TXNL4B: variants seen among roughly 807,000 people sequenced by gnomAD.
TXNL4B encodes the protein thioredoxin like 4B, also known as thioredoxin-like protein 4B.
A neutral mutation model predicts 13.0 loss-of-function variants in TXNL4B; 12 were observed. The observed-to-expected ratio is 0.92, with a 90% confidence interval of 0.59 to 1.49. The LOEUF (loss-of-function observed/expected upper bound fraction) is 1.49, where lower values mean the gene tolerates loss of function less well. Ranked by LOEUF, TXNL4B falls within the 40% of genes most tolerant of loss-of-function variation. The pLI is 0.00. For missense variants in TXNL4B, 214 were observed against 173.6 expected, an observed-to-expected ratio of 1.23 and a Z score of -1.31; for synonymous variants, 59 against 58.9, an observed-to-expected ratio of 1.00 and a Z score of -0.01.
intron 1 of TXNL4B, among the ~76,000 whole-genome samples, chr16:72,091,900 G>C (rs2041911008): frequency 6.6e-6 from 1 of 152,220 alleles, no homozygotes; most frequent in Non-Finnish European, 1.5e-5. Flanking sequence ...ACAAGGACTA[G>C]AATACAGGCC....
chr16:72,092,203 A>G (rs2041917735), intron 1 of TXNL4B, among the ~76,000 whole-genome samples: 1 of 152,150 alleles, frequency 6.6e-6, no homozygotes, highest in Admixed American at 6.5e-5. Flanking sequence ...ATGGCCAGGA[A>G]TTCGAGACCA....
Position 72,086,391 on chromosome 16 carries a change from T to C in TXNL4B, c.*246A>G, listed in dbSNP as rs1336695811. 2.8e-6 allele frequency: 1 copy of C among 360,438 alleles called. No homozygotes were observed. Among genetic ancestry groups the C allele is most frequent in the African/African-American group, 2.1e-5 (1 of 48,588 alleles). The allele number at this position is 360,438 out of a possible 1,614,324, so 22.3% of individuals were successfully genotyped here. A position where few individuals can be genotyped will look rare whatever the true frequency, so the allele number is the denominator to read the frequency against. ...TAGAAAGAGAAGTTACAAAAATCAC[T>C]GTGGGGAAAATGAACACCAATGACT... On this transcript the variant is annotated 3_prime_UTR_variant, in exon 4 of 4. Transcript: ENST00000268483.
upstream of TXNL4B, chr16:72,094,197 A>C (rs1439053969): frequency 6.5e-6 from 1 of 152,836 alleles, no homozygotes; most frequent in Non-Finnish European, 1.5e-5. Flanking sequence ...TACTCACCTC[A>C]GGGATGCTGC....
chr16:72,092,869 T>C (rs540366438), intron 1 of TXNL4B, among the ~76,000 whole-genome samples: 1 of 152,324 alleles, frequency 6.6e-6, no homozygotes, highest in East Asian at 1.9e-4. Context: ...GTTTACAAAG[T>C]CACTGAATTG....
In TXNL4B at chr16:72,085,539, T is replaced by A. The variant is rs1166983012; in HGVS notation, c.*1098A>T. The A allele has an allele frequency of 6.6e-6, 1 of 152,252 alleles. No homozygotes were observed. Among genetic ancestry groups the A allele is most frequent in the Non-Finnish European group, 1.5e-5 (1 of 68,104 alleles). The allele number at this position is 152,252 out of a possible 1,614,324, so 9.4% of individuals were successfully genotyped here. ...ACATTTCTATCCAACAATGCTGACA[T>A]CTCTTTTAGTTTTGAGCCTTAGTAA... On this transcript the variant is annotated 3_prime_UTR_variant, in exon 4 of 4. Coordinates refer to ENST00000268483, the MANE Select transcript of TXNL4B (RefSeq NM_017853.3).
chr16:72,091,306 G>C (rs2041901103), intron 1 of TXNL4B, among the ~76,000 whole-genome samples: 1 of 152,092 alleles, frequency 6.6e-6, no homozygotes, highest in Non-Finnish European at 1.5e-5. Context: ...GTGGCAGAAA[G>C]AGGTGAGTGG....
Position 72,090,636 on chromosome 16 carries a change from A to T in TXNL4B, c.114T>A (p.Cys38Ter). 6.2e-7 allele frequency: 1 copy of T among 1,614,070 alleles called. No individual in the cohort carries two copies. The highest frequency in any genetic ancestry group is 8.5e-7 in the Non-Finnish European group (1 of 1,179,984). ...LRFGRDEDPVCLQLDDILSKT... is the reference protein window; with the variant it reads ...LRFGRDEDPV ...CACTTACAATATCATCTAGCTGCAG[A>T]CAGACAGGATCTTCATCTCTCCCAA... The change falls in exon 2 of 4, where the codon TGT becomes TGA. Residue 38 changes from cysteine to a stop codon, truncating the protein, a stop_gained. Coordinates refer to ENST00000268483, the MANE Select transcript of TXNL4B (RefSeq NM_017853.3). LOFTEE classifies it high-confidence loss of function.
At chr16:72,093,097 A>G (rs181273125) in intron 1 of TXNL4B, among the ~76,000 whole-genome samples, 15 of 152,188 alleles carry the variant, frequency 9.9e-5, no homozygotes, top group Admixed American at 3.9e-4. Flanking sequence ...CAGCCTCCCG[A>G]GTAGCTGGAA....
intron 3 of TXNL4B, chr16:72,087,494 A>C (rs552319079): frequency 5.3e-5 from 8 of 152,332 alleles, no homozygotes; most frequent in African/African-American, 1.9e-4. Flanking sequence ...CTGCAACATC[A>C]TATTAAAGTC....
chr16:72,087,994 T>C (rs1284606272), intron 3 of TXNL4B, among the ~76,000 whole-genome samples: 1 of 152,208 alleles, frequency 6.6e-6, no homozygotes, highest in African/African-American at 2.4e-5. Context: ...TAATTTTTTG[T>C]ATTTTTAGTA....
At chr16:72,091,615 T>A (rs2041905900) in intron 1 of TXNL4B, among the ~76,000 whole-genome samples, 1 of 152,246 alleles carries the variant, frequency 6.6e-6, no homozygotes, top group African/African-American at 2.4e-5. Flanking sequence ...AACATCCATA[T>A]TCTCTGTCAT....
rs752686461 is a variant in TXNL4B, at chr16:72,086,293, T to G, written c.*344A>C. 1 of 173,864 alleles carries G rather than the reference T, an allele frequency of 5.8e-6. No homozygotes were observed. The highest frequency in any genetic ancestry group is 1.2e-5 in the Non-Finnish European group (1 of 81,610). 10.8% of individuals were successfully genotyped at this position (173,864 alleles called of 1,614,324 possible). On this transcript the variant is annotated 3_prime_UTR_variant, in exon 4 of 4. Transcript: ENST00000268483. ...CTTTCCAGTTCACTTGTGTATCAAA[T>G]GAACATGATGAAATCAAGTTGTACT...
In TXNL4B at chr16:72,086,658, G is replaced by A. The variant is rs753986598; in HGVS notation, c.429C>T (p.Asp143=). 1.2e-6 allele frequency: 2 copies of A among 1,613,480 alleles called. No homozygotes were observed. The highest frequency in any genetic ancestry group is 1.7e-5 in the Admixed American group (1 of 60,004). The change falls in exon 4 of 4, where the codon GAC becomes GAT. Residue 143 remains aspartate (D), a synonymous_variant. Coordinates refer to ENST00000268483, the MANE Select transcript of TXNL4B (RefSeq NM_017853.3). ...PIDPKNIPKY[D]LLYQDI ...TGTACTAAATGTCTTGATAGAGAAG[G>A]TCATATTTGGGAATATTCTTGGGAT...
intron 1 of TXNL4B, among the ~76,000 whole-genome samples, chr16:72,092,672 G>T: frequency 6.6e-6 from 1 of 152,190 alleles, no homozygotes; most frequent in East Asian, 1.9e-4. Context: ...GTTGTTAGTG[G>T]TGAGGCTAGG....
Position 72,086,542 on chromosome 16 carries a change from C to A in TXNL4B, c.*95G>T. On this transcript the variant is annotated 3_prime_UTR_variant, in exon 4 of 4. Coordinates refer to ENST00000268483, the MANE Select transcript of TXNL4B (RefSeq NM_017853.3). ...GTCAAACCTCTTCTCCTCTGGGACA[C>A]ATGTTTCCAAAGGACTCCAGAAACA... 1 of 1,222,202 alleles carries A rather than the reference C, an allele frequency of 8.2e-7. No individual in the cohort carries two copies. 75.7% of individuals were successfully genotyped at this position (1,222,202 alleles called of 1,614,324 possible).
chr16:72,087,969 G>A (rs1016089936), intron 3 of TXNL4B, among the ~76,000 whole-genome samples: 54 of 152,104 alleles, frequency 3.6e-4, no homozygotes, highest in African/African-American at 9.9e-4. Context: ...ACATGCGCCC[G>A]CCACCACGCC....
In TXNL4B at chr16:72,088,986, C is replaced by T. The variant is rs2041862595; in HGVS notation, c.284+1G>A. 1 of 1,599,172 alleles carries T rather than the reference C, an allele frequency of 6.3e-7. No homozygotes were observed. The highest frequency in any genetic ancestry group is 1.3e-5 in the African/African-American group (1 of 74,702). Reference sequence around the variant, plus strand: ...ATTAACTTCAGATCAACTGCACTTACCCATAATCCACTTTCATATGCTGCC... The same window carrying T: ...ATTAACTTCAGATCAACTGCACTTATCCATAATCCACTTTCATATGCTGCC... On this transcript the variant is annotated splice_donor_variant, in intron 3 of 3. Coordinates refer to ENST00000268483, the MANE Select transcript of TXNL4B (RefSeq NM_017853.3). LOFTEE classifies it high-confidence loss of function.
rs757701383 is a variant in TXNL4B, at chr16:72,090,710, C to A, written c.40G>T (p.Val14Leu). The A allele has an allele frequency of 1.2e-6, 2 of 1,614,096 alleles. No individual in the cohort carries two copies. Among genetic ancestry groups the A allele is most frequent in the African/African-American group, 2.7e-5 (2 of 74,944 alleles). Residue 14 changes from valine (V) to leucine (L), a missense_variant, in exon 2 of 4, where the codon GTA becomes TTA. Val to Leu is a conservative substitution (Grantham distance 32). Coordinates refer to ENST00000268483, the MANE Select transcript of TXNL4B (RefSeq NM_017853.3). ...GCAGTACTTTTTATCGCCTGGTCTA[C>A]TTCCTTTTTGCTAGTCAGCTTGGGC... ...LLPKLTSKKE[V>L]DQAIKSTAEK... is the part of the protein sequence containing the mutation.
intron 3 of TXNL4B, 98 bp downstream of exon 3, chr16:72,088,889 T>G (rs1302786391): frequency 1.1e-6 from 1 of 919,840 alleles, no homozygotes; most frequent in Non-Finnish European, 1.7e-6. Context: ...GATATAAGAC[T>G]CACAGAGCCA....
Sources: allele counts gnomAD v4.1 joint callset (sites outside exome capture counted in the v4.1 genomes callset), GRCh38; gene constraint gnomAD v4.1.1; transcripts MANE v1.5; gene names NCBI Gene and HGNC (gene_info 2026-07-23, HGNC 2026-07-21).